Variants in SLC7A2 observed in about 807,000 individuals in gnomAD.
The protein encoded by SLC7A2 is cationic amino acid transporter 2.
A neutral mutation model predicts 58.9 loss-of-function variants in SLC7A2; 48 were observed. The ratio of observed to expected loss-of-function variants is 0.82; its 90% CI spans 0.65 to 1.04. SLC7A2 has a LOEUF of 1.04. Ranked by LOEUF, SLC7A2 falls within the 50% of genes least tolerant of loss-of-function variation. The pLI is 0.00. For synonymous variants in SLC7A2, 363 were observed against 314.5 expected (o/e 1.15, Z -1.63); for missense variants, 1,029 against 818.8 (o/e 1.26, Z -3.13).
At chr8:17,542,973 A>T (rs779170167) in intron 2 of SLC7A2, among the ~76,000 whole-genome samples, 1 of 152,194 alleles carries the variant, frequency 6.6e-6, no homozygotes, top group Non-Finnish European at 1.5e-5. Flanking sequence ...AAACAAAAAC[A>T]GAAACACAAA....
intron 4 of SLC7A2, 118 bp from the exon 5 acceptor site, chr8:17,548,560 A>C: frequency 1.4e-6 from 1 of 714,242 alleles, no homozygotes; most frequent in Admixed American, 2.5e-5. Context: ...AGAGGTAGAT[A>C]GATGGAAATT....
chr8:17,518,233 A>G (rs1328665601), intron 2 of SLC7A2, among the ~76,000 whole-genome samples: 2 of 147,962 alleles, frequency 1.4e-5, no homozygotes, highest in African/African-American at 5.0e-5. Flanking sequence ...TTTTTTTTGC[A>G]CAACATCCAA....
At chr8:17,549,033 A>T (rs1414703891) in intron 5 of SLC7A2, among the ~76,000 whole-genome samples, 190 bp downstream of exon 5, 1 of 152,176 alleles carries the variant, frequency 6.6e-6, no homozygotes, top group Non-Finnish European at 1.5e-5. Context: ...GGAAGGTGAA[A>T]GGCATGTCTC....
chr8:17,509,486 A>T (rs1367736110), intron 2 of SLC7A2, among the ~76,000 whole-genome samples: 1 of 151,952 alleles, frequency 6.6e-6, no homozygotes, highest in Non-Finnish European at 1.5e-5. Flanking sequence ...TTGTATTTTT[A>T]GTAGAGACAG....
At chr8:17,539,298 G>T (rs2299564) in intron 2 of SLC7A2, among the ~76,000 whole-genome samples, 13,020 of 152,112 alleles carry the variant, frequency 0.086, 1,061 homozygotes, top group African/African-American at 0.21. Context: ...AATAAGGTGC[G>T]TAGAAATGGT....
chr8:17,542,054 A>G (rs1186420643), intron 2 of SLC7A2, among the ~76,000 whole-genome samples: 1 of 152,216 alleles, frequency 6.6e-6, no homozygotes, highest in African/African-American at 2.4e-5. Context: ...CTCAAATATA[A>G]TAAGCATGTG....
At chr8:17,514,475 T>C (rs1025882253) in intron 2 of SLC7A2, among the ~76,000 whole-genome samples, 2 of 152,168 alleles carry the variant, frequency 1.3e-5, no homozygotes, top group African/African-American at 4.8e-5. Context: ...CAAAAATATA[T>C]CTAGAAAGAA....
intron 2 of SLC7A2, among the ~76,000 whole-genome samples, chr8:17,516,146 ATT>A (rs1800794041): frequency 6.6e-6 from 1 of 152,064 alleles, no homozygotes; most frequent in Admixed American, 6.5e-5. Context: ...ACTTTTTGCT[ATT>A]TGTCAGACAC....
Position 17,560,552 on chromosome 8 carries a change from T to G in SLC7A2, c.1504+19T>G, listed in dbSNP as rs1364110761. On this transcript the variant is annotated intron_variant, in intron 10 of 12. Transcript: ENST00000494857. ...TTCCTAGGTAAGTCTTCTTCTCTGC[T>G]TACATTGTACAGACCCAGAAGATGT... 1.2e-5 allele frequency: 19 copies of G among 1,593,424 alleles called. No individual in the cohort carries two copies. Among genetic ancestry groups the G allele is most frequent in the Non-Finnish European group, 1.5e-5 (18 of 1,161,438 alleles).
At chr8:17,534,365 C>T (rs1242474062) in intron 2 of SLC7A2, among the ~76,000 whole-genome samples, 1 of 152,056 alleles carries the variant, frequency 6.6e-6, no homozygotes, top group Non-Finnish European at 1.5e-5. Context: ...AGTGATTACC[C>T]TTTTGTAAGG....
intron 2 of SLC7A2, among the ~76,000 whole-genome samples, chr8:17,514,248 C>T (rs1414709597): frequency 6.6e-6 from 1 of 151,558 alleles, no homozygotes; most frequent in Non-Finnish European, 1.5e-5. Context: ...TGTGTTAAAC[C>T]AAAGAGGAAT....
chr8:17,526,367 G>C (rs1801223196), intron 2 of SLC7A2, among the ~76,000 whole-genome samples: 1 of 152,214 alleles, frequency 6.6e-6, no homozygotes. Context: ...GCAGATGACA[G>C]GGAAGCAGAG....
At chr8:17,540,391 G>T (rs1289361893) in intron 2 of SLC7A2, among the ~76,000 whole-genome samples, 2 of 152,076 alleles carry the variant, frequency 1.3e-5, no homozygotes, top group East Asian at 3.8e-4. Context: ...CTTGACAAAT[G>T]GGATCTTTGT....
chr8:17,518,702 C>G (rs1383603253), intron 2 of SLC7A2, among the ~76,000 whole-genome samples: 1 of 152,144 alleles, frequency 6.6e-6, no homozygotes, highest in African/African-American at 2.4e-5. Context: ...TTCTGAAATG[C>G]TAATCATTAT....
chr8:17,544,600 C>T lies in SLC7A2; in HGVS notation c.526C>T (p.Leu176=), dbSNP rs1563466855. ...TTTTGCTGTGTGCCTTATATTACTT[C>T]TAGCAGGTAAGAAAACCAGTTATGA... is the stretch of plus-strand genomic sequence containing the variant. ...DFFAVCLILL[L]AGLLSFGVKE... The change falls in exon 4 of 13, where the codon CTA becomes TTA. Residue 176 remains leucine (L), a synonymous_variant. Transcript: ENST00000494857. 6.2e-7 allele frequency: 1 copy of T among 1,613,468 alleles called. No homozygotes were observed. The highest frequency in any genetic ancestry group is 2.2e-5 in the East Asian group (1 of 44,862).
intron 2 of SLC7A2, among the ~76,000 whole-genome samples, chr8:17,529,461 A>G (rs1032046169): frequency 2.6e-5 from 4 of 152,056 alleles, no homozygotes; most frequent in Admixed American, 6.5e-5. Context: ...GCAAGTGTCA[A>G]TCCTACCCAA....
chr8:17,535,818 G>A (rs1300711354), intron 2 of SLC7A2, among the ~76,000 whole-genome samples: 3 of 152,088 alleles, frequency 2.0e-5, no homozygotes, highest in African/African-American at 2.4e-5. Flanking sequence ...CAGGAGAATC[G>A]CTTGAACCCG....
chr8:17,534,316 CAACA>C lies in SLC7A2; in HGVS notation c.-22-9001_-22-8998del, dbSNP rs1728869177. Among the ~76,000 whole-genome samples the C allele has an allele frequency of 3.3e-5, 5 of 152,114 alleles. No individual in the cohort carries two copies. In the South Asian group the frequency reaches 1.0e-3, roughly 32 times the overall value. The stretch of plus-strand genomic sequence containing the variant: ...AATATTGAGTGGTTTGATTTTTAAA[CAACA>C]GTTGTGGTCATCTTTTTAAACAGTT... On this transcript the variant is annotated intron_variant, in intron 2 of 12. Coordinates refer to ENST00000494857, the MANE Select transcript of SLC7A2 (RefSeq NM_001370338.1).
At chr8:17,528,703 C>T (rs1801319306) in intron 2 of SLC7A2, among the ~76,000 whole-genome samples, 1 of 152,132 alleles carries the variant, frequency 6.6e-6, no homozygotes, top group Non-Finnish European at 1.5e-5. Flanking sequence ...TGCCCCCGGC[C>T]TGGTCATTAC....
Sources: allele counts gnomAD v4.1 joint callset (sites outside exome capture counted in the v4.1 genomes callset), GRCh38; gene constraint gnomAD v4.1.1; transcripts MANE v1.5; gene names NCBI Gene and HGNC (gene_info 2026-07-23, HGNC 2026-07-21).